The following NCKAP1 variants were observed in gnomAD, a reference collection of about 807,000 sequenced individuals.
NCKAP1 encodes NCK associated protein 1, also known as nck-associated protein 1.
Under a neutral mutation model 151.2 loss-of-function variants are expected in NCKAP1, and 21 were observed. The ratio of observed to expected loss-of-function variants is 0.14; its 90% CI spans 0.10 to 0.20. NCKAP1 has a LOEUF of 0.20. Among genes scored for constraint, NCKAP1 ranks in the 10% least tolerant of loss-of-function variants. NCKAP1 has a pLI of 1.00. For synonymous variants in NCKAP1, 484 were observed against 451.8 expected (o/e 1.07, Z -0.90); for missense variants, 933 against 1,352.1 (o/e 0.69, Z 4.86).
intron 8 of NCKAP1, 98 bp downstream of exon 8, chr2:182,994,741 A>G: frequency 1.0e-6 from 1 of 959,458 alleles, no homozygotes; most frequent in Non-Finnish European, 1.6e-6. Flanking sequence ...ATGGGTTAGC[A>G]CAATGCTAAG....
intron 16 of NCKAP1, among the ~76,000 whole-genome samples, chr2:182,966,328 G>A (rs963459516): frequency 1.3e-5 from 2 of 151,886 alleles, no homozygotes; most frequent in African/African-American, 2.4e-5. Context: ...CTCTGTCACC[G>A]AGACTGGAGT....
intron 1 of NCKAP1, among the ~76,000 whole-genome samples, chr2:183,030,088 C>T (rs1698977670): frequency 6.6e-6 from 1 of 152,112 alleles, no homozygotes; most frequent in Non-Finnish European, 1.5e-5. Context: ...ATATATGTCC[C>T]CTCCCAAAAA....
rs1479203839 is a variant in NCKAP1 at position 182,924,301 on chromosome 2, G to A, written c.*1401C>T. On this transcript the variant is annotated 3_prime_UTR_variant, in exon 31 of 31. Coordinates refer to ENST00000361354, the MANE Select transcript of NCKAP1 (RefSeq NM_013436.5). Reference sequence around the variant, plus strand: ...GAAGAAAGAAAAACATTATAACTGAGTTCACAGCAGCCTTCTTTTATCTTA... The same window carrying A: ...GAAGAAAGAAAAACATTATAACTGAATTCACAGCAGCCTTCTTTTATCTTA... The A allele has an allele frequency of 6.6e-6, 1 of 152,076 alleles. No homozygotes were observed. The highest frequency in any genetic ancestry group is 1.5e-5 in the Non-Finnish European group (1 of 68,012). The allele number at this position is 152,076 out of a possible 1,614,324, so 9.4% of individuals were successfully genotyped here. A position where few individuals can be genotyped will look rare whatever the true frequency, so the allele number is the denominator to read the frequency against.
chr2:183,026,417 G>C lies in NCKAP1; in HGVS notation c.109-2501C>G, dbSNP rs1260701100. Among the ~76,000 whole-genome samples, 3 of 150,438 alleles carry C rather than the reference G, an allele frequency of 2.0e-5. 1 individual carries two copies. The highest frequency in any genetic ancestry group is 1.5e-5 in the Non-Finnish European group (1 of 67,872). On this transcript the variant is annotated intron_variant, in intron 1 of 30. Transcript: ENST00000361354. ...TTGAGATCAGGAATTCAAGGCTACA[G>C]AGCTGTAATCACACCACTGTACCGC... is the stretch of plus-strand genomic sequence containing the variant.
intron 24 of NCKAP1, among the ~76,000 whole-genome samples, chr2:182,940,888 T>C (rs1449756339): frequency 1.3e-5 from 2 of 152,254 alleles, no homozygotes; most frequent in East Asian, 3.8e-4. Flanking sequence ...TTTATAGTCC[T>C]GGCAACCACA....
At position 182,976,883 on chromosome 2, in the gene NCKAP1, T is replaced by C; in HGVS notation, c.1482+10A>G. 6.8e-7 allele frequency: 1 copy of C among 1,480,822 alleles called. No individual in the cohort carries two copies. Among genetic ancestry groups the C allele is most frequent in the Non-Finnish European group, 9.0e-7 (1 of 1,107,888 alleles). 91.7% of individuals were successfully genotyped at this position (1,480,822 alleles called of 1,614,324 possible). ...AACAAAACAGAATGACAATAAAAGGTTATTCTTACCTGTAACCTAAACCAA... is the reference window on the plus strand; with the variant it reads ...AACAAAACAGAATGACAATAAAAGGCTATTCTTACCTGTAACCTAAACCAA... On this transcript the variant is annotated intron_variant, in intron 15 of 30. Coordinates refer to ENST00000361354, the MANE Select transcript of NCKAP1 (RefSeq NM_013436.5).
chr2:183,025,007 T>A (rs772657713), intron 1 of NCKAP1: 8 of 1,611,206 alleles, frequency 5.0e-6, no homozygotes, highest in Non-Finnish European at 6.8e-6. Flanking sequence ...TGGGGAAGCA[T>A]TGTAATAAAA....
chr2:183,013,875 G>A (rs1698634447), intron 2 of NCKAP1, among the ~76,000 whole-genome samples: 1 of 152,056 alleles, frequency 6.6e-6, no homozygotes, highest in African/African-American at 2.4e-5. Context: ...GCACCCACCT[G>A]AGCCTTTGGA....
intron 1 of NCKAP1, among the ~76,000 whole-genome samples, chr2:183,027,289 T>G (rs2105896922): frequency 6.6e-6 from 1 of 152,318 alleles, no homozygotes; most frequent in Middle Eastern, 3.4e-3. Context: ...AAGTGTTACC[T>G]GTAGACTTTA....
chr2:182,932,147 T>G (rs1440290210), intron 26 of NCKAP1, among the ~76,000 whole-genome samples: 1 of 152,188 alleles, frequency 6.6e-6, no homozygotes, highest in Non-Finnish European at 1.5e-5. Context: ...TAATACACGT[T>G]CACACATTAA....
At chr2:183,031,658 CAG>C (rs1164117059) in intron 1 of NCKAP1, among the ~76,000 whole-genome samples, 1 of 152,200 alleles carries the variant, frequency 6.6e-6, no homozygotes, top group East Asian at 1.9e-4. Context: ...ACCATTTCCT[CAG>C]CTCTTACGCT....
At chr2:182,955,363 T>C (rs1697303277) in intron 20 of NCKAP1, among the ~76,000 whole-genome samples, 1 of 152,080 alleles carries the variant, frequency 6.6e-6, no homozygotes, top group Non-Finnish European at 1.5e-5. Context: ...TTCAAGGCTT[T>C]GAAGAAAAAA....
Position 182,934,822 on chromosome 2 carries a change from T to A in NCKAP1, c.2789A>T (p.Tyr930Phe). The change falls in exon 26 of 31, where the codon TAC (tyrosine) becomes TTC (phenylalanine). Residue 930 changes from tyrosine (Y) to phenylalanine (F), a missense_variant. Tyr to Phe is a conservative substitution (Grantham distance 22, BLOSUM62 3). Coordinates refer to ENST00000361354, the MANE Select transcript of NCKAP1 (RefSeq NM_013436.5). ...TGAACTTACAAGAAAAGGAATGTGGTAGGATAAGACCTAGGCAGGATAACA... is the reference window on the plus strand; with the variant it reads ...TGAACTTACAAGAAAAGGAATGTGGAAGGATAAGACCTAGGCAGGATAACA... ...AQEALRDVLS[Y>F]HIPFLVSSIE... is the part of the protein sequence containing the mutation. 6.8e-7 allele frequency: 1 copy of A among 1,471,852 alleles called. No individual in the cohort carries two copies. The highest frequency in any genetic ancestry group is 9.5e-7 in the Non-Finnish European group (1 of 1,057,402). The allele number at this position is 1,471,852 out of a possible 1,614,324, so 91.2% of individuals were successfully genotyped here.
At chr2:183,035,962 A>C (rs183440503) in intron 1 of NCKAP1, among the ~76,000 whole-genome samples, 1 of 152,334 alleles carries the variant, frequency 6.6e-6, no homozygotes, top group African/African-American at 2.4e-5. Context: ...AAGCAAGGTA[A>C]GCAATGTATT....
At chr2:183,002,499 C>G (rs1479918306) in intron 4 of NCKAP1, among the ~76,000 whole-genome samples, 1 of 152,048 alleles carries the variant, frequency 6.6e-6, no homozygotes, top group Admixed American at 6.5e-5. Context: ...CTTGTGATCA[C>G]TATATTCAAA....
chr2:182,949,654 C>A (rs1697176505), intron 23 of NCKAP1, among the ~76,000 whole-genome samples: 1 of 152,106 alleles, frequency 6.6e-6, no homozygotes, highest in African/African-American at 2.4e-5. Flanking sequence ...ATTAGCCGTA[C>A]TTGCTGGCAC....
At chr2:182,996,868 AC>A (rs1698280750) in intron 6 of NCKAP1, among the ~76,000 whole-genome samples, 1 of 152,186 alleles carries the variant, frequency 6.6e-6, no homozygotes, top group Admixed American at 6.5e-5. Flanking sequence ...TGGAAACAGA[AC>A]CCCACAATCT....
At position 182,912,796 on chromosome 2, in the gene NCKAP1, G is replaced by A. The variant is rs764075898; in HGVS notation, c.*12906C>T. ...TGCCTTGCACCAAATTAAAATATGT[G>A]CACTAGCACAATACTATAGACAGAT... On this transcript the variant is annotated 3_prime_UTR_variant, in exon 31 of 31. Transcript: ENST00000361354. 2.9e-5 allele frequency: 4 copies of A among 139,580 alleles called. No homozygotes were observed. The highest frequency in any genetic ancestry group is 6.1e-5 in the Non-Finnish European group (4 of 65,112). The allele number at this position is 139,580 out of a possible 1,614,324, so 8.6% of individuals were successfully genotyped here.
At chr2:182,975,010 T>C (rs1159491555) in intron 15 of NCKAP1, among the ~76,000 whole-genome samples, 2 of 152,186 alleles carry the variant, frequency 1.3e-5, no homozygotes, top group Non-Finnish European at 2.9e-5. Flanking sequence ...CTGAAATGCA[T>C]CTAAATCTCT....
Sources: allele counts gnomAD v4.1 joint callset (sites outside exome capture counted in the v4.1 genomes callset), GRCh38; gene constraint gnomAD v4.1.1; transcripts MANE v1.5; gene names NCBI Gene and HGNC (gene_info 2026-07-23, HGNC 2026-07-21).